The following RAP1GAP2 variants were observed in gnomAD, a reference collection of about 807,000 sequenced individuals.
RAP1GAP2 encodes rap1 GTPase-activating protein 2.
RAP1GAP2 carries 27 observed loss-of-function variants against 95.0 expected under a neutral mutation model. The ratio of observed to expected loss-of-function variants is 0.28; its 90% CI spans 0.21 to 0.39. The LOEUF is 0.39. Among genes scored for constraint, RAP1GAP2 ranks in the 10% least tolerant of loss-of-function variants. The pLI is 1.00. For missense variants in RAP1GAP2, 771 were observed against 970.0 expected (o/e 0.79, Z 2.72); for synonymous variants, 373 against 380.9 (o/e 0.98, Z 0.24).
rs776982677 is a variant in RAP1GAP2, at chr17:3,027,073, C to T, written c.2107+3C>T. 5 of 1,575,308 alleles carry T rather than the reference C, an allele frequency of 3.2e-6. No homozygotes were observed. In the South Asian group the frequency reaches 5.9e-5, roughly 18 times the overall value. On this transcript the variant is annotated splice_donor_region_variant and intron_variant, in intron 22 of 24. Transcript: ENST00000254695. The surrounding 1 kb of genome is among the most constrained non-coding windows in gnomAD (Gnocchi z 5.2). ...CATCATGAGCCGGAGTCCCACAGGTCAGTGGCATCTGGTGGTGTGTGTGAC... is the reference window on the plus strand; with the variant it reads ...CATCATGAGCCGGAGTCCCACAGGTTAGTGGCATCTGGTGGTGTGTGTGAC...
At chr17:2,909,964 G>A (rs2042317741) in intron 3 of RAP1GAP2, among the ~76,000 whole-genome samples, 1 of 152,210 alleles carries the variant, frequency 6.6e-6, no homozygotes, top group African/African-American at 2.4e-5. Context: ...GCAGTTAGGA[G>A]TCTGTCTATG....
At chr17:2,814,916 A>T (rs2069938047) in intron 2 of RAP1GAP2, among the ~76,000 whole-genome samples, 2 of 151,878 alleles carry the variant, frequency 1.3e-5, no homozygotes, top group South Asian at 4.2e-4. Flanking sequence ...CGCCCCGTGG[A>T]ATTGAGGAGC....
At chr17:2,971,778 A>T (rs898249205) in intron 8 of RAP1GAP2, among the ~76,000 whole-genome samples, 20 of 152,168 alleles carry the variant, frequency 1.3e-4, no homozygotes. Flanking sequence ...GGCTATTATT[A>T]TTATCAATAT....
At chr17:2,886,707 C>G (rs1449671887) in intron 2 of RAP1GAP2, among the ~76,000 whole-genome samples, 1 of 152,148 alleles carries the variant, frequency 6.6e-6, no homozygotes, top group Non-Finnish European at 1.5e-5. Context: ...TTTGCACGGC[C>G]CTTGAACTAC....
intron 11 of RAP1GAP2, among the ~76,000 whole-genome samples, chr17:2,990,281 C>T (rs1158979258): frequency 1.3e-5 from 2 of 152,220 alleles, no homozygotes; most frequent in Non-Finnish European, 2.9e-5. Context: ...CATATGGTGA[C>T]TCTATGATTA....
At chr17:3,022,521 T>A (rs1023353718) in intron 19 of RAP1GAP2, among the ~76,000 whole-genome samples, 1 of 152,254 alleles carries the variant, frequency 6.6e-6, no homozygotes, top group African/African-American at 2.4e-5. Flanking sequence ...GTTTGCTATT[T>A]GTATGTCTTC....
intron 3 of RAP1GAP2, among the ~76,000 whole-genome samples, chr17:2,915,326 G>A (rs1486469593): frequency 1.3e-5 from 2 of 151,860 alleles, no homozygotes; most frequent in East Asian, 3.9e-4. Flanking sequence ...AACCTCCTGG[G>A]CTCAAGCCAT....
chr17:3,025,501 T>C (rs1435249570), intron 19 of RAP1GAP2, among the ~76,000 whole-genome samples: 2 of 152,216 alleles, frequency 1.3e-5, no homozygotes, highest in Non-Finnish European at 2.9e-5. Flanking sequence ...GAGTACCCCT[T>C]GCTTCCCAGC....
intron 1 of RAP1GAP2, 159 bp from the exon 2 acceptor site, chr17:2,800,356 T>C: frequency 1.4e-6 from 1 of 736,756 alleles, no homozygotes. Flanking sequence ...CTCAGAGGCG[T>C]CTCTCCCCCT....
At chr17:2,962,846 C>A in intron 5 of RAP1GAP2, 132 bp downstream of exon 5, 1 of 870,372 alleles carries the variant, frequency 1.1e-6, no homozygotes, top group Non-Finnish European at 1.7e-6. Context: ...GCACCACGGG[C>A]CGCTTCACGA....
At chr17:2,964,345 T>TG (rs1220321646) in intron 7 of RAP1GAP2, 2 of 14,942 alleles carry the variant, frequency 1.3e-4, no homozygotes, top group Admixed American at 9.0e-4. Context: ...CTGGCGGGGG[T>TG]GGGGGGAGGG....
chr17:2,915,556 C>G (rs1263339338), intron 3 of RAP1GAP2, among the ~76,000 whole-genome samples: 2 of 152,144 alleles, frequency 1.3e-5, no homozygotes, highest in Non-Finnish European at 2.9e-5. Flanking sequence ...TTAACGGTGT[C>G]TTTAATGAGC....
At chr17:2,770,060 G>A (rs1446237997) in intron 1 of RAP1GAP2, among the ~76,000 whole-genome samples, 2 of 133,196 alleles carry the variant, frequency 1.5e-5, no homozygotes, top group African/African-American at 5.9e-5. Flanking sequence ...GCAACAGAGA[G>A]AGACTCGGTC....
intron 1 of RAP1GAP2, among the ~76,000 whole-genome samples, chr17:2,782,371 T>C (rs1288998312): frequency 1.3e-5 from 2 of 152,158 alleles, no homozygotes; most frequent in African/African-American, 4.8e-5. Flanking sequence ...TGGGCAGAAG[T>C]GGCCTGTGTG....
At chr17:2,944,276 C>G (rs561237386) in intron 3 of RAP1GAP2, among the ~76,000 whole-genome samples, 1 of 151,794 alleles carries the variant, frequency 6.6e-6, no homozygotes, top group Non-Finnish European at 1.5e-5. Flanking sequence ...GGTGCAGCCG[C>G]TATGGGAAAC....
upstream of RAP1GAP2, among the ~76,000 whole-genome samples, chr17:2,795,474 G>A (rs931990300): frequency 2.0e-5 from 3 of 152,206 alleles, no homozygotes; most frequent in Non-Finnish European, 4.4e-5. Context: ...AGATGAGGAC[G>A]AACCCTGCGG....
chr17:2,983,039 G>C (rs1278991555), intron 10 of RAP1GAP2, among the ~76,000 whole-genome samples: 1 of 152,200 alleles, frequency 6.6e-6, no homozygotes, highest in African/African-American at 2.4e-5. Context: ...GAGGCTCCAG[G>C]GTCGGGCAGC....
chr17:3,030,129 CAT>C (rs1491236190), intron 22 of RAP1GAP2, among the ~76,000 whole-genome samples: 1 of 144,428 alleles, frequency 6.9e-6, no homozygotes, highest in Non-Finnish European at 1.5e-5. Context: ...ATTATATATA[CAT>C]ATATATTATA....
intron 3 of RAP1GAP2, among the ~76,000 whole-genome samples, chr17:2,940,307 G>T (rs1030626659): frequency 3.9e-5 from 6 of 152,154 alleles, no homozygotes; most frequent in African/African-American, 1.2e-4. Flanking sequence ...CAGCACCCGG[G>T]CCTTTCCTCC....
Sources: allele counts gnomAD v4.1 joint callset (sites outside exome capture counted in the v4.1 genomes callset), GRCh38; gene constraint gnomAD v4.1.1; non-coding constraint Gnocchi (gnomAD v3.1); transcripts MANE v1.5; gene names NCBI Gene and HGNC (gene_info 2026-07-23, HGNC 2026-07-21).